The following BANK1 variants were observed in gnomAD, a reference collection of about 807,000 sequenced individuals.
BANK1 encodes the protein B-cell scaffold protein with ankyrin repeats.
BANK1 carries 95 observed loss-of-function variants against 94.5 expected under a neutral mutation model. That is an observed-to-expected ratio of 1.00 (90% CI 0.85 to 1.19). The LOEUF is 1.19. Among genes scored for constraint, BANK1 ranks in the 50% most tolerant of loss-of-function variants. The pLI is 0.00. For missense variants in BANK1, 987 were observed against 932.2 expected (o/e 1.06, Z -0.77); for synonymous variants, 334 against 308.4 (o/e 1.08, Z -0.87).
chr4:102,012,995 CAAAGCA>C lies in BANK1; in HGVS notation c.1207-8518_1207-8513del, dbSNP rs1726562041. Among the ~76,000 whole-genome samples, 4 of 152,162 alleles carry C rather than the reference CAAAGCA, an allele frequency of 2.6e-5. No individual in the cohort carries two copies. The South Asian group carries it at 6.2e-4, about 24-fold the overall frequency. ...TTTTGAACAATTATATTGAGGTATT[CAAAGCA>C]GCAAGATGATTTGTACTGTGGACAT... On this transcript the variant is annotated intron_variant, in intron 7 of 16. Transcript: ENST00000322953.
At chr4:101,885,836 GAGTATAGCCTGCTACACACCTAGGCCT>G (rs1438304610) in intron 5 of BANK1, among the ~76,000 whole-genome samples, 2 of 152,204 alleles carry the variant, frequency 1.3e-5, no homozygotes, top group East Asian at 1.9e-4. Flanking sequence ...CCTAGGCTAG[GAGTATAGCCTGCTACACACCTAGGCCT>G]AGTATAGCCT....
intron 7 of BANK1, among the ~76,000 whole-genome samples, chr4:101,981,077 G>C (rs1725311960): frequency 6.6e-6 from 1 of 151,956 alleles, no homozygotes. Context: ...TTGTCCTCTT[G>C]TGAATTGTAA....
intron 10 of BANK1, among the ~76,000 whole-genome samples, chr4:102,032,639 T>G (rs1727358422): frequency 6.6e-6 from 1 of 152,012 alleles, no homozygotes; most frequent in Non-Finnish European, 1.5e-5. Flanking sequence ...TCCCAGCACT[T>G]TGGGAGGCCG....
chr4:101,790,783 C>T lies in BANK1; in HGVS notation c.-98C>T. ...CAAGCGGGCTGGGGAGAGCCGAGGG[C>T]CAAAGGAAGAGAAAATCGCGGGGAG... On this transcript the variant is annotated 5_prime_UTR_variant, in exon 1 of 17. Transcript: ENST00000322953. The T allele has an allele frequency of 7.5e-7, 1 of 1,325,830 alleles. No individual in the cohort carries two copies. Among genetic ancestry groups the T allele is most frequent in the Non-Finnish European group, 1.0e-6 (1 of 957,194 alleles). 82.1% of individuals were successfully genotyped at this position (1,325,830 alleles called of 1,614,324 possible).
intron 2 of BANK1, among the ~76,000 whole-genome samples, chr4:101,852,032 G>T (rs1310498608): frequency 6.6e-6 from 1 of 152,040 alleles, no homozygotes; most frequent in East Asian, 1.9e-4. Flanking sequence ...TCTATTTGAA[G>T]TTGTCTTTTC....
rs192842089 is a variant in BANK1 at position 101,908,341 on chromosome 4, C to G, written c.1010-9652C>G. 2.2e-3 allele frequency among the ~76,000 whole-genome samples: 335 copies of G among 152,286 alleles called. 6 individuals carry two copies. The East Asian group carries it at 0.059, about 27-fold the overall frequency. On this transcript the variant is annotated intron_variant, in intron 6 of 16. Transcript: ENST00000322953. ...TATTTAATAAATGGTGCTGGGAAAACTGGCCAGCCATATGTAGAAAGCTGA... is the reference window on the plus strand; with the variant it reads ...TATTTAATAAATGGTGCTGGGAAAAGTGGCCAGCCATATGTAGAAAGCTGA...
intron 10 of BANK1, chr4:102,032,479 T>G (rs1727353987): frequency 1.3e-5 from 2 of 152,252 alleles, no homozygotes; most frequent in Admixed American, 6.5e-5. Context: ...TTGTTCTTAC[T>G]TTTCCTTCTG....
chr4:101,912,213 A>T (rs1302963611), intron 6 of BANK1, among the ~76,000 whole-genome samples: 1 of 152,184 alleles, frequency 6.6e-6, no homozygotes, highest in Non-Finnish European at 1.5e-5. Flanking sequence ...TTCAGAAACC[A>T]CTGTATACCA....
At chr4:101,797,580 CT>C (rs1725201451) in intron 1 of BANK1, among the ~76,000 whole-genome samples, 1 of 151,996 alleles carries the variant, frequency 6.6e-6, no homozygotes, top group Admixed American at 6.6e-5. Flanking sequence ...ACTTACATAC[CT>C]TTTGTGATAT....
intron 1 of BANK1, chr4:101,813,858 TC>T (rs1578331893): frequency 1.0e-6 from 1 of 985,272 alleles, no homozygotes; most frequent in East Asian, 1.1e-4. Context: ...GATGCACACA[TC>T]AGGAAGAGGG....
At chr4:102,064,092 C>G (rs1268901904) in intron 13 of BANK1, among the ~76,000 whole-genome samples, 1 of 152,144 alleles carries the variant, frequency 6.6e-6, no homozygotes, top group African/African-American at 2.4e-5. Context: ...CCCCAAGACT[C>G]TCCCCCTGCA....
chr4:101,993,965 G>A (rs1300166995), intron 7 of BANK1, among the ~76,000 whole-genome samples: 1 of 152,176 alleles, frequency 6.6e-6, no homozygotes, highest in Non-Finnish European at 1.5e-5. Context: ...TCTACATGGT[G>A]CCATACAGTC....
chr4:101,896,834 A>G (rs1308515745), intron 6 of BANK1, among the ~76,000 whole-genome samples: 1 of 151,982 alleles, frequency 6.6e-6, no homozygotes, highest in East Asian at 1.9e-4. Context: ...GATTTTACCT[A>G]GGTCTTAAAT....
At position 101,930,256 on chromosome 4, in the gene BANK1, T is replaced by G. The variant is rs188302591; in HGVS notation, c.1206+12067T>G. Among the ~76,000 whole-genome samples, 4 of 151,478 alleles carry G rather than the reference T, an allele frequency of 2.6e-5. No homozygotes were observed. In the East Asian group the frequency reaches 7.8e-4, roughly 30 times the overall value. ...TACCTTCCCCCATTCTCTCTTTGTG[T>G]GTGGGTGTGTGTGTTTATGTGTGTA... On this transcript the variant is annotated intron_variant, in intron 7 of 16. Transcript: ENST00000322953.
chr4:101,848,338 C>A (rs1006632851), intron 2 of BANK1, among the ~76,000 whole-genome samples: 1 of 152,166 alleles, frequency 6.6e-6, no homozygotes, highest in African/African-American at 2.4e-5. Flanking sequence ...GCTTGCTGCT[C>A]TGTCTGGAGT....
intron 5 of BANK1, among the ~76,000 whole-genome samples, chr4:101,890,450 T>A (rs533608571): frequency 6.6e-6 from 1 of 151,848 alleles, no homozygotes; most frequent in Non-Finnish European, 1.5e-5. Flanking sequence ...TGCTCTGATG[T>A]CTATTTTATT....
chr4:101,896,247 A>G (rs9307267), intron 6 of BANK1, among the ~76,000 whole-genome samples: 1,967 of 152,070 alleles, frequency 0.013, 45 homozygotes, highest in African/African-American at 0.044. Flanking sequence ...ATTCATTTAT[A>G]TGCCTATGTG....
intron 10 of BANK1, among the ~76,000 whole-genome samples, chr4:102,040,405 G>C (rs1031624131): frequency 3.3e-5 from 5 of 151,924 alleles, no homozygotes; most frequent in Non-Finnish European, 7.4e-5. Flanking sequence ...TTTGTCTGTG[G>C]ACTTTTTATG....
At chr4:102,037,910 C>T (rs17031919) in intron 10 of BANK1, among the ~76,000 whole-genome samples, 1,852 of 152,268 alleles carry the variant, frequency 0.012, 47 homozygotes, top group African/African-American at 0.041. Flanking sequence ...CCTTTTGCTT[C>T]TTCCCTTTTG....
Sources: gnomAD v4.1 joint callset for allele counts (sites outside exome capture counted in the v4.1 genomes callset) on GRCh38, gnomAD v4.1.1 for gene constraint, MANE v1.5 for transcripts, NCBI Gene and HGNC (gene_info 2026-07-23, HGNC 2026-07-21) for gene names.